The following RERE variants were observed in gnomAD, a reference collection of about 807,000 sequenced individuals.
RERE encodes the protein arginine-glutamic acid dipeptide repeats.
RERE carries 40 observed loss-of-function variants against 146.1 expected under a neutral mutation model. The ratio of observed to expected loss-of-function variants is 0.27; its 90% confidence interval spans 0.21 to 0.36. The LOEUF (loss-of-function observed/expected upper bound fraction) is 0.36, where lower values mean the gene tolerates loss of function less well. Ranked by LOEUF, RERE falls within the 10% of genes least tolerant of loss-of-function variation. The pLI is 1.00. For missense variants in RERE, 1,933 were observed against 2,138.7 expected (o/e 0.90, Z 1.90); for synonymous variants, 1,003 against 866.0 (o/e 1.16, Z -2.78).
At chr1:8,754,375 C>T (rs150390145) in intron 1 of RERE, among the ~76,000 whole-genome samples, 1 of 152,202 alleles carries the variant, frequency 6.6e-6, no homozygotes, top group African/African-American at 2.4e-5. Context: ...CTGGTGAAAG[C>T]CAGCATATGA....
At chr1:8,789,301 A>ATATATATATATATATATATATAT (rs1553149621) in intron 1 of RERE, among the ~76,000 whole-genome samples, 1 of 24,826 alleles carries the variant, frequency 4.0e-5, no homozygotes, top group Non-Finnish European at 6.5e-5. Context: ...AAAAAAAAAA[A>ATATATATATATATATATATATAT]ATATATATAT....
chr1:8,600,302 C>T (rs1646606067), intron 4 of RERE, among the ~76,000 whole-genome samples: 2 of 152,192 alleles, frequency 1.3e-5, no homozygotes, highest in Non-Finnish European at 2.9e-5. Context: ...CAGACTAATA[C>T]ACCATAGCAG....
intron 7 of RERE, among the ~76,000 whole-genome samples, chr1:8,521,176 CAA>C (rs36115526): frequency 5.5e-5 from 6 of 109,972 alleles, no homozygotes; most frequent in African/African-American, 1.1e-4. Context: ...TTCTTTTTTT[CAA>C]AAAAAAAAAA....
At chr1:8,642,229 T>C (rs1309806345) in intron 2 of RERE, among the ~76,000 whole-genome samples, 2 of 152,216 alleles carry the variant, frequency 1.3e-5, no homozygotes, top group Admixed American at 1.3e-4. Flanking sequence ...TGCTTGTGTA[T>C]ATACTTATTT....
chr1:8,793,056 C>G (rs777055082), intron 1 of RERE, among the ~76,000 whole-genome samples: 1 of 150,898 alleles, frequency 6.6e-6, no homozygotes, highest in Non-Finnish European at 1.5e-5. Context: ...ACTTTGGAGG[C>G]CGAGGCAGGA....
At chr1:8,579,147 G>A (rs145854647) in intron 4 of RERE, among the ~76,000 whole-genome samples, 13 of 152,298 alleles carry the variant, frequency 8.5e-5, no homozygotes, top group South Asian at 2.1e-4. Flanking sequence ...GAACCACCAC[G>A]ATTAGCACAA....
intron 6 of RERE, among the ~76,000 whole-genome samples, chr1:8,552,151 C>T (rs1645943432): frequency 6.6e-6 from 1 of 152,190 alleles, no homozygotes; most frequent in Non-Finnish European, 1.5e-5. Flanking sequence ...TAGGAAAAAG[C>T]TATAATCTCA....
At chr1:8,408,321 C>T (rs1278917041) in intron 12 of RERE, among the ~76,000 whole-genome samples, 1 of 152,144 alleles carries the variant, frequency 6.6e-6, no homozygotes, top group Non-Finnish European at 1.5e-5. Context: ...TATCACATCC[C>T]ACAGGCTGGC....
At chr1:8,387,102 G>C (rs1188522791) in intron 12 of RERE, among the ~76,000 whole-genome samples, 1 of 152,186 alleles carries the variant, frequency 6.6e-6, no homozygotes, top group Non-Finnish European at 1.5e-5. Context: ...TTATCCTAAA[G>C]CTAGACAGTG....
Position 8,359,788 on chromosome 1 carries a change from C to CCGCTCT in RERE, c.3588_3593dup (p.Arg1200_Glu1201dup), listed in dbSNP as rs769497707. 3.2e-5 allele frequency: 51 copies of CCGCTCT among 1,601,156 alleles called. No individual in the cohort carries two copies. The highest frequency in any genetic ancestry group is 1.7e-4 in the Middle Eastern group (1 of 5,996). ...CAGCCGCCCGCTCTGCCTCGCGCTC[C>CCGCTCT]CGCTCTCGCTCCCGCTCCCGCTCCT... On this transcript the variant is annotated inframe_insertion, in exon 19 of 23. Coordinates refer to ENST00000400908, the MANE Select transcript of RERE (RefSeq NM_001042681.2).
At chr1:8,535,692 T>G (rs559947518) in intron 7 of RERE, among the ~76,000 whole-genome samples, 57 of 152,324 alleles carry the variant, frequency 3.7e-4, no homozygotes, top group African/African-American at 1.0e-3. Context: ...AGTTTATGAC[T>G]GCTCCTGAAC....
chr1:8,521,476 C>G (rs922235298), intron 7 of RERE, among the ~76,000 whole-genome samples: 1 of 151,938 alleles, frequency 6.6e-6, no homozygotes, highest in South Asian at 2.1e-4. Context: ...ACCTGCATGC[C>G]TATTTTTTTT....
intron 1 of RERE, among the ~76,000 whole-genome samples, chr1:8,759,338 T>C (rs1033821252): frequency 5.3e-5 from 8 of 152,130 alleles, no homozygotes; most frequent in African/African-American, 1.9e-4. Context: ...AAGAGCATCA[T>C]CCTTTCAAAA....
At chr1:8,705,554 T>A (rs1425834861) in intron 1 of RERE, among the ~76,000 whole-genome samples, 1 of 152,224 alleles carries the variant, frequency 6.6e-6, no homozygotes, top group Non-Finnish European at 1.5e-5. Context: ...TAGAACTGTG[T>A]TCCTCCTTCA....
intron 10 of RERE, among the ~76,000 whole-genome samples, chr1:8,472,935 T>C (rs887339735): frequency 4.6e-5 from 7 of 151,790 alleles, no homozygotes; most frequent in Non-Finnish European, 8.8e-5. Context: ...ATCACTAAAC[T>C]GCATGACTGC....
At chr1:8,370,734 C>T (rs977570080) in intron 12 of RERE, among the ~76,000 whole-genome samples, 1 of 152,134 alleles carries the variant, frequency 6.6e-6, no homozygotes, top group Admixed American at 6.5e-5. Context: ...CTAGAGGCCT[C>T]GCCAGGAATG....
chr1:8,509,574 A>G (rs1490445079), intron 7 of RERE, among the ~76,000 whole-genome samples: 2 of 152,184 alleles, frequency 1.3e-5, no homozygotes, highest in Non-Finnish European at 2.9e-5. Flanking sequence ...TTGGGAGGCT[A>G]AGGCGGGAGG....
At chr1:8,693,278 C>CA (rs1639248480) in intron 1 of RERE, among the ~76,000 whole-genome samples, 3 of 152,312 alleles carry the variant, frequency 2.0e-5, no homozygotes, top group Admixed American at 6.5e-5. Flanking sequence ...TATCTCACCA[C>CA]AAAAAACTGC....
At chr1:8,531,270 C>T (rs371285230) in intron 7 of RERE, among the ~76,000 whole-genome samples, 57 of 152,062 alleles carry the variant, frequency 3.7e-4, no homozygotes, top group African/African-American at 1.4e-3. Flanking sequence ...GGGTGAAACC[C>T]AGCTTCTACT....
Sources: gnomAD v4.1 joint callset for allele counts (sites outside exome capture counted in the v4.1 genomes callset) on GRCh38, gnomAD v4.1.1 for gene constraint, MANE v1.5 for transcripts, NCBI Gene and HGNC (gene_info 2026-07-23, HGNC 2026-07-21) for gene names.